Variants in MAN1A1 observed in about 807,000 individuals in gnomAD.
MAN1A1 encodes mannosidase alpha class 1A member 1, also known as mannosyl-oligosaccharide 1,2-alpha-mannosidase IA.
In MAN1A1, 29 loss-of-function variants were observed where a neutral mutation model predicts 70.8. That is an observed-to-expected ratio of 0.41 (90% CI 0.31 to 0.56). The LOEUF (loss-of-function observed/expected upper bound fraction) is 0.56. Ranked by LOEUF, MAN1A1 falls within the 20% of genes least tolerant of loss-of-function variation. The probability of loss-of-function intolerance (pLI) is 0.29; values close to 1 mark genes in which losing one functional copy is unlikely to be tolerated. For synonymous variants in MAN1A1, 349 were observed against 330.1 expected (o/e 1.06, Z -0.62); for missense variants, 747 against 841.3 (o/e 0.89, Z 1.39).
chr6:119,323,490 T>G (rs887816499), intron 2 of MAN1A1, among the ~76,000 whole-genome samples: 8 of 152,108 alleles, frequency 5.3e-5, no homozygotes, highest in African/African-American at 1.9e-4. Context: ...ACTTAGTTGA[T>G]GCCCAACATA....
chr6:119,184,851 A>T (rs755855644), intron 11 of MAN1A1, among the ~76,000 whole-genome samples: 23 of 152,132 alleles, frequency 1.5e-4, no homozygotes, highest in Admixed American at 3.3e-4. Context: ...GTAAGTTATC[A>T]GATGTTTAAA....
intron 2 of MAN1A1, among the ~76,000 whole-genome samples, chr6:119,332,539 G>A (rs146447912): frequency 8.0e-4 from 122 of 152,298 alleles, no homozygotes; most frequent in African/African-American, 9.9e-4. Flanking sequence ...CCAACTGGCC[G>A]GGCACGGTGG....
intron 2 of MAN1A1, among the ~76,000 whole-genome samples, chr6:119,307,979 C>T (rs1204022558): frequency 6.6e-6 from 1 of 152,144 alleles, no homozygotes; most frequent in East Asian, 1.9e-4. Context: ...CAATCAGCAT[C>T]TTTAACCAAC....
rs184675644 is a variant in MAN1A1, at chr6:119,322,845, G to A, written c.604-15853C>T. The stretch of plus-strand genomic sequence containing the variant: ...AACAATCATTTCAAAGTAGAAGGAA[G>A]GCCTTAACTAGTTTTCAACCGCTAC... On this transcript the variant is annotated intron_variant, in intron 2 of 12. Coordinates refer to ENST00000368468, the MANE Select transcript of MAN1A1 (RefSeq NM_005907.4). Among the ~76,000 whole-genome samples the A allele has an allele frequency of 4.6e-3, 697 of 152,294 alleles. 8 individuals are homozygous for A. The highest frequency in any genetic ancestry group is 0.024 in the Middle Eastern group (7 of 294).
chr6:119,252,526 G>A (rs1034576707), intron 5 of MAN1A1, among the ~76,000 whole-genome samples: 3 of 152,212 alleles, frequency 2.0e-5, no homozygotes, highest in Admixed American at 2.0e-4. Flanking sequence ...GGGCACGGGG[G>A]CTCATGCCTG....
chr6:119,237,868 A>T (rs1774897596), intron 6 of MAN1A1, among the ~76,000 whole-genome samples: 1 of 152,242 alleles, frequency 6.6e-6, no homozygotes, highest in African/African-American at 2.4e-5. Context: ...ATAAAAAAAG[A>T]TATGTGATCA....
chr6:119,228,534 G>A (rs545874498), intron 6 of MAN1A1, among the ~76,000 whole-genome samples: 1 of 151,862 alleles, frequency 6.6e-6, no homozygotes, highest in Admixed American at 6.6e-5. Flanking sequence ...TTGTAATTCA[G>A]AAAAAGAATT....
intron 6 of MAN1A1, among the ~76,000 whole-genome samples, chr6:119,230,928 G>A (rs772029229): frequency 6.6e-6 from 1 of 152,188 alleles, no homozygotes; most frequent in Non-Finnish European, 1.5e-5. Flanking sequence ...ATGAGAAGGA[G>A]GTGGTGATTA....
chr6:119,282,819 CT>C (rs1776257598), intron 5 of MAN1A1, among the ~76,000 whole-genome samples: 1 of 152,020 alleles, frequency 6.6e-6, no homozygotes, highest in Non-Finnish European at 1.5e-5. Context: ...AAAATTGTTC[CT>C]TTCTAGGAAA....
At chr6:119,260,811 T>C (rs1424391769) in intron 5 of MAN1A1, among the ~76,000 whole-genome samples, 1 of 152,154 alleles carries the variant, frequency 6.6e-6, no homozygotes, top group Admixed American at 6.6e-5. Context: ...AAATGTCACA[T>C]AACTCAGTAT....
intron 4 of MAN1A1, among the ~76,000 whole-genome samples, chr6:119,298,259 A>C (rs534832461): frequency 2.0e-5 from 3 of 152,292 alleles, no homozygotes; most frequent in African/African-American, 7.2e-5. Flanking sequence ...CCTTCTGTGA[A>C]GTCCTTGTTC....
At chr6:119,217,426 C>T (rs1365823595) in intron 6 of MAN1A1, among the ~76,000 whole-genome samples, 1 of 152,146 alleles carries the variant, frequency 6.6e-6, no homozygotes, top group Non-Finnish European at 1.5e-5. Flanking sequence ...AGACTACAGG[C>T]ATGCACCACC....
At chr6:119,254,468 A>G (rs565485070) in intron 5 of MAN1A1, among the ~76,000 whole-genome samples, 10 of 152,358 alleles carry the variant, frequency 6.6e-5, no homozygotes, top group Middle Eastern at 3.4e-3. Flanking sequence ...CTGGGAAAAA[A>G]GCAAGACAAA....
Position 119,255,915 on chromosome 6 carries a change from A to AT in MAN1A1, c.898-7562dup, listed in dbSNP as rs199723905. The stretch of plus-strand genomic sequence containing the variant: ...TTTGTCAAATTTCATTACAAACTTC[A>AT]TTTTTTAAAAAAAATATATTTAATT... On this transcript the variant is annotated intron_variant, in intron 5 of 12. Transcript: ENST00000368468. 7.1e-3 allele frequency among the ~76,000 whole-genome samples: 1,084 copies of AT among 151,680 alleles called. 9 individuals carry two copies. Among genetic ancestry groups the AT allele is most frequent in the African/African-American group, 0.025 (1,024 of 40,958 alleles).
chr6:119,302,936 A>G (rs1772432955), intron 3 of MAN1A1, among the ~76,000 whole-genome samples: 1 of 152,226 alleles, frequency 6.6e-6, no homozygotes, highest in South Asian at 2.1e-4. Flanking sequence ...CTGAATTCCA[A>G]TGACATGGAG....
At chr6:119,193,702 A>C in intron 9 of MAN1A1, 75 bp downstream of exon 9, 1 of 944,144 alleles carries the variant, frequency 1.1e-6, no homozygotes. Flanking sequence ...TATACCACTT[A>C]TTCATTAAAA....
Position 119,177,230 on chromosome 6 carries a change from C to A in MAN1A1, c.*2589G>T, listed in dbSNP as rs1284424866. 1 of 151,914 alleles carries A rather than the reference C, an allele frequency of 6.6e-6. No individual in the cohort carries two copies. 9.4% of individuals were successfully genotyped at this position (151,914 alleles called of 1,614,324 possible). A position where few individuals can be genotyped will look rare whatever the true frequency, so the allele number is the denominator to read the frequency against. The stretch of plus-strand genomic sequence containing the variant: ...GAGATATATTAAAAGACTTTATTCA[C>A]AATAGAGAAATTTTACAAATATAAT... On this transcript the variant is annotated 3_prime_UTR_variant, in exon 13 of 13. Transcript: ENST00000368468.
chr6:119,348,319 C>T, intron 2 of MAN1A1, 144 bp downstream of exon 2: 1 of 784,486 alleles, frequency 1.3e-6, no homozygotes, highest in Non-Finnish European at 2.0e-6. Context: ...AAAGAAAGAG[C>T]TTTTGACACA....
intron 6 of MAN1A1, among the ~76,000 whole-genome samples, chr6:119,214,366 C>T (rs932928554): frequency 6.6e-6 from 1 of 152,084 alleles, no homozygotes; most frequent in Admixed American, 6.6e-5. Flanking sequence ...AAAAATGTTT[C>T]AAAGAACAAA....
Sources: allele counts gnomAD v4.1 joint callset (sites outside exome capture counted in the v4.1 genomes callset), GRCh38; gene constraint gnomAD v4.1.1; transcripts MANE v1.5; gene names NCBI Gene and HGNC (gene_info 2026-07-23, HGNC 2026-07-21).